ANKRD30B: variants seen among roughly 807,000 people sequenced by gnomAD.
ANKRD30B encodes the protein ankyrin repeat domain-containing protein 30B.
Under a neutral mutation model 202.2 loss-of-function variants are expected in ANKRD30B, and 144 were observed. The observed-to-expected ratio is 0.71, with a 90% CI of 0.62 to 0.82. The LOEUF (loss-of-function observed/expected upper bound fraction) is 0.82. ANKRD30B is among the 40% of genes least tolerant of loss of function. The probability of loss-of-function intolerance (pLI) is 0.00; values close to 1 mark genes in which losing one functional copy is unlikely to be tolerated. For missense variants in ANKRD30B, 1,487 were observed against 1,669.1 expected (o/e 0.89, Z 1.90); for synonymous variants, 508 against 561.3 (o/e 0.91, Z 1.34).
intron 1 of ANKRD30B, among the ~76,000 whole-genome samples, chr18:14,751,508 T>C (rs1177078237): frequency 6.7e-6 from 1 of 150,326 alleles, no homozygotes; most frequent in Non-Finnish European, 1.5e-5. Context: ...CAAAAACACT[T>C]CTGAAGTGAG....
rs750611746 is a variant in ANKRD30B, at chr18:14,848,739, T to A, written c.3205T>A (p.Leu1069Met). The change falls in exon 40 of 44, where the codon TTG (leucine) becomes ATG (methionine). Residue 1069 changes from leucine (L) to methionine (M), a missense_variant. Physicochemically the swap from Leu to Met is conservative, Grantham distance 15. Coordinates refer to ENST00000690538, the MANE Select transcript of ANKRD30B (RefSeq NM_001367607.2). ...AGATTCAACTACCCTATCAAAAATC[T>A]TGGATGCACTTCCTTCTTGTGAAAG... ...RADSTTLSKI[L>M]DALPSCERGR... 2.6e-6 allele frequency: 4 copies of A among 1,552,824 alleles called. No homozygotes were observed. Among genetic ancestry groups the A allele is most frequent in the Non-Finnish European group, 2.6e-6 (3 of 1,150,342 alleles).
At chr18:14,856,250 T>C (rs1972104216), downstream of ANKRD30B, among the ~76,000 whole-genome samples, 1 of 123,314 alleles carries the variant, frequency 8.1e-6, no homozygotes. Flanking sequence ...CAGAGAAAGG[T>C]GCTCCTCACT....
At chr18:14,880,586 G>A in the ANKRD30B span, among the ~76,000 whole-genome samples, 2 of 122,126 alleles carry the variant, frequency 1.6e-5, no homozygotes, top group Non-Finnish European at 3.5e-5. Context: ...TTTTTTTCAG[G>A]GGGAGTTTCG....
At chr18:14,829,884 T>C (rs1970826840) in intron 33 of ANKRD30B, among the ~76,000 whole-genome samples, 1 of 152,190 alleles carries the variant, frequency 6.6e-6, no homozygotes, top group African/African-American at 2.4e-5. Flanking sequence ...GGTTGCTGAA[T>C]TACATAGATC....
At chr18:14,864,568 C>A in the ANKRD30B span, among the ~76,000 whole-genome samples, 19 of 150,732 alleles carry the variant, frequency 1.3e-4, no homozygotes, top group Non-Finnish European at 2.4e-4. Context: ...TATACTTTAC[C>A]GCTCACTTCC....
the ANKRD30B span, among the ~76,000 whole-genome samples, chr18:14,897,464 A>G: frequency 1.3e-5 from 2 of 152,142 alleles, no homozygotes; most frequent in African/African-American, 4.8e-5. Context: ...TACAGGTATG[A>G]GCCACCATGC....
chr18:14,875,032 G>A, the ANKRD30B span, among the ~76,000 whole-genome samples: 1 of 152,134 alleles, frequency 6.6e-6, no homozygotes, highest in Non-Finnish European at 1.5e-5. Flanking sequence ...ACTTGAACCC[G>A]CAGCCAGGGG....
At chr18:14,756,433 C>G (rs1490944234) in intron 4 of ANKRD30B, among the ~76,000 whole-genome samples, 1 of 152,122 alleles carries the variant, frequency 6.6e-6, no homozygotes, top group Non-Finnish European at 1.5e-5. Flanking sequence ...TCAATTTTGG[C>G]TTTTGTTGCC....
At chr18:14,892,597 G>A in the ANKRD30B span, among the ~76,000 whole-genome samples, 26,610 of 151,402 alleles carry the variant, frequency 0.18, 2,334 homozygotes, top group Non-Finnish European at 0.22. Context: ...AAAATTATCC[G>A]GGTGTGGTGG....
At chr18:14,781,461 AT>A (rs1376328378) in intron 11 of ANKRD30B, among the ~76,000 whole-genome samples, 1 of 89,628 alleles carries the variant, frequency 1.1e-5, no homozygotes, top group East Asian at 2.9e-4. Flanking sequence ...CGCCCAGCTA[AT>A]TTTTTTGCAT....
chr18:14,778,066 A>C lies in ANKRD30B; in HGVS notation c.1411A>C (p.Lys471Gln). Residue 471 changes from lysine (K) to glutamine (Q), a missense_variant, in exon 10 of 44, where the codon AAA (lysine) becomes CAA (glutamine). Transcript: ENST00000690538. ...YQKDIKTINHKIEDQMFPSES... is the reference protein window; with the variant it reads ...YQKDIKTINHQIEDQMFPSES... ...AAAAGATATCAAAACAATAAATCACAAAATAGAAGGTAAGAACCATTTTTT... is the reference window on the plus strand; with the variant it reads ...AAAAGATATCAAAACAATAAATCACCAAATAGAAGGTAAGAACCATTTTTT... 1.3e-6 allele frequency: 2 copies of C among 1,541,154 alleles called. No homozygotes were observed. Among genetic ancestry groups the C allele is most frequent in the Non-Finnish European group, 1.8e-6 (2 of 1,139,152 alleles).
At chr18:14,839,775 C>T (rs550518670) in intron 36 of ANKRD30B, among the ~76,000 whole-genome samples, 2 of 152,100 alleles carry the variant, frequency 1.3e-5, no homozygotes, top group African/African-American at 4.8e-5. Flanking sequence ...TTATTTTAAG[C>T]CCTTGTTTTC....
chr18:14,875,276 G>A, the ANKRD30B span, among the ~76,000 whole-genome samples: 1 of 152,180 alleles, frequency 6.6e-6, no homozygotes, highest in East Asian at 1.9e-4. Context: ...AATGATGGAA[G>A]CTGAGAAGCT....
the ANKRD30B span, among the ~76,000 whole-genome samples, chr18:14,897,713 C>G: frequency 6.6e-6 from 1 of 152,076 alleles, no homozygotes. Flanking sequence ...TTTTCACAGG[C>G]TCCCATCTCT....
intron 16 of ANKRD30B, 99 bp from the exon 17 acceptor site, chr18:14,796,122 C>T: frequency 7.7e-7 from 1 of 1,296,264 alleles, no homozygotes; most frequent in South Asian, 1.2e-5. Context: ...CTTTTCAATC[C>T]AAGCATGAGG....
At chr18:14,934,909 CA>C in the ANKRD30B span, among the ~76,000 whole-genome samples, 1 of 8,284 alleles carries the variant, frequency 1.2e-4, no homozygotes, top group Non-Finnish European at 2.7e-4. Flanking sequence ...CTCCCTCTAC[CA>C]CACACACACA....
At position 14,764,099 on chromosome 18, in the gene ANKRD30B, C is replaced by G. The variant is rs776405503; in HGVS notation, c.1225+9C>G. On this transcript the variant is annotated intron_variant, in intron 7 of 43. Coordinates refer to ENST00000690538, the MANE Select transcript of ANKRD30B (RefSeq NM_001367607.2). ...AAAAGCAAGTACAAATGGTAAGATG[C>G]TTGAGTGAACTTTGCAGGGTTTATT... 1 of 1,493,488 alleles carries G rather than the reference C, an allele frequency of 6.7e-7. No individual in the cohort carries two copies. The highest frequency in any genetic ancestry group is 2.4e-5 in the East Asian group (1 of 41,608). The allele number at this position is 1,493,488 out of a possible 1,614,324, so 92.5% of individuals were successfully genotyped here.
At chr18:14,914,556 G>C in the ANKRD30B span, among the ~76,000 whole-genome samples, 2 of 152,174 alleles carry the variant, frequency 1.3e-5, no homozygotes, top group Non-Finnish European at 2.9e-5. Context: ...GGGTATGATG[G>C]CTGTTTGGGC....
At chr18:14,908,684 C>T in the ANKRD30B span, among the ~76,000 whole-genome samples, 2,306 of 152,188 alleles carry the variant, frequency 0.015, 66 homozygotes, top group African/African-American at 0.053. Flanking sequence ...CGTGTGGAGC[C>T]CAGCTCAGAG....
Sources: allele counts gnomAD v4.1 joint callset (sites outside exome capture counted in the v4.1 genomes callset), GRCh38; gene constraint gnomAD v4.1.1; transcripts MANE v1.5; gene names NCBI Gene and HGNC (gene_info 2026-07-23, HGNC 2026-07-21).